The following DZIP3 variants were observed in gnomAD, a reference collection of about 807,000 sequenced individuals.
The protein encoded by DZIP3 is DAZ interacting zinc finger protein 3.
DZIP3 carries 118 observed loss-of-function variants against 162.0 expected under a neutral mutation model. The ratio of observed to expected loss-of-function variants is 0.73; its 90% CI spans 0.63 to 0.85. The LOEUF is 0.85. DZIP3 is among the 40% of genes least tolerant of loss of function. The pLI is 0.00. For missense variants in DZIP3, 1,331 were observed against 1,407.0 expected (o/e 0.95, Z 0.86); for synonymous variants, 438 against 458.6 (o/e 0.96, Z 0.57).
At chr3:108,606,367 A>C (rs1434238658) in intron 2 of DZIP3, among the ~76,000 whole-genome samples, 2 of 152,188 alleles carry the variant, frequency 1.3e-5, no homozygotes, top group Non-Finnish European at 2.9e-5. Context: ...AGTGTGACTT[A>C]TTAATTTATT....
chr3:108,688,927 A>C lies in DZIP3; in HGVS notation c.3516+3A>C. 1 of 1,613,740 alleles carries C rather than the reference A, an allele frequency of 6.2e-7. No homozygotes were observed. Among genetic ancestry groups the C allele is most frequent in the Non-Finnish European group, 8.5e-7 (1 of 1,179,704 alleles). On this transcript the variant is annotated splice_donor_region_variant and intron_variant, in intron 31 of 32. Transcript: ENST00000361582. ...GCGCTCACAAATTCCATGCTCAGGT[A>C]ACACTTTAAATTTTCCCATTAATCA...
intron 2 of DZIP3, among the ~76,000 whole-genome samples, chr3:108,607,167 G>T (rs1343102958): frequency 6.6e-6 from 1 of 152,136 alleles, no homozygotes; most frequent in Non-Finnish European, 1.5e-5. Context: ...ATTGTGAAAT[G>T]TTGGCATGTG....
At chr3:108,631,055 A>ACACATACACACTCTCTCTCTCTCTCTCT in intron 8 of DZIP3, among the ~76,000 whole-genome samples, 2 of 18,008 alleles carry the variant, frequency 1.1e-4, no homozygotes, top group African/African-American at 5.6e-4. Flanking sequence ...ACACACACAC[A>ACACATACACACTCTCTCTCTCTCTCTCT]CTCTCTCTCT....
intron 31 of DZIP3, 150 bp from the exon 32 acceptor site, chr3:108,690,637 A>G (rs1172518116): frequency 4.1e-5 from 25 of 615,004 alleles, no homozygotes; most frequent in Non-Finnish European, 5.3e-5. Flanking sequence ...GGAAGGTGCC[A>G]TGGTTGCAGC....
chr3:108,604,636 C>T (rs1308860322), intron 1 of DZIP3, among the ~76,000 whole-genome samples: 3 of 152,142 alleles, frequency 2.0e-5, no homozygotes, highest in Non-Finnish European at 2.9e-5. Context: ...ACAGATTGTG[C>T]AAGTGTTCTT....
chr3:108,612,544 G>A (rs1940768413), intron 4 of DZIP3, among the ~76,000 whole-genome samples: 1 of 152,214 alleles, frequency 6.6e-6, no homozygotes, highest in Admixed American at 6.5e-5. Flanking sequence ...TCATCTTTTG[G>A]TATCTGTGGG....
At chr3:108,631,346 GTATAC>G (rs1285417384) in intron 8 of DZIP3, among the ~76,000 whole-genome samples, 1 of 151,496 alleles carries the variant, frequency 6.6e-6, no homozygotes, top group Non-Finnish European at 1.5e-5. Context: ...TTTATCCTTT[GTATAC>G]TCTGTTCATA....
chr3:108,605,771 G>T (rs1220810626), intron 2 of DZIP3, among the ~76,000 whole-genome samples: 1 of 152,160 alleles, frequency 6.6e-6, no homozygotes, highest in Non-Finnish European at 1.5e-5. Flanking sequence ...GTGGCCTGGG[G>T]GCTGGGGACC....
rs1559745312 is a variant in DZIP3, at chr3:108,634,976, T to G, written c.918+4T>G. ...GTATCCAGGTGAAAATGATCAGGTA[T>G]TATATTCGTTCTTAAAACTACAACA... On this transcript the variant is annotated splice_donor_region_variant and intron_variant, in intron 10 of 32. Coordinates refer to ENST00000361582, the MANE Select transcript of DZIP3 (RefSeq NM_014648.4). 9.1e-6 allele frequency: 14 copies of G among 1,533,428 alleles called. No individual in the cohort carries two copies. The highest frequency in any genetic ancestry group is 1.2e-5 in the Non-Finnish European group (14 of 1,120,070). 95.0% of individuals were successfully genotyped at this position (1,533,428 alleles called of 1,614,324 possible).
chr3:108,618,327 T>C (rs763040880), intron 5 of DZIP3, among the ~76,000 whole-genome samples: 2 of 152,384 alleles, frequency 1.3e-5, no homozygotes, highest in East Asian at 1.9e-4. Flanking sequence ...GTCTCTGTTA[T>C]GTTATTCATG....
intron 18 of DZIP3, among the ~76,000 whole-genome samples, chr3:108,653,503 GTGTGTATATATATATATATATA>G (rs963600857): frequency 5.0e-5 from 1 of 20,032 alleles, no homozygotes; most frequent in African/African-American, 9.6e-5. Context: ...CATTGTGTGT[GTGTGTATATATATATATATATA>G]TATATATATA....
At chr3:108,667,065 G>A (rs909398162) in intron 21 of DZIP3, among the ~76,000 whole-genome samples, 1 of 151,892 alleles carries the variant, frequency 6.6e-6, no homozygotes, top group Non-Finnish European at 1.5e-5. Context: ...CACACCTGTA[G>A]TCCCAGCTAC....
At chr3:108,614,716 A>G (rs1029180100) in intron 4 of DZIP3, among the ~76,000 whole-genome samples, 1 of 152,090 alleles carries the variant, frequency 6.6e-6, no homozygotes, top group Non-Finnish European at 1.5e-5. Context: ...GAAAGCACTC[A>G]ATCAGTAGGT....
In DZIP3 at chr3:108,662,153, A is replaced by G. The variant is rs1395081318; in HGVS notation, c.2319A>G (p.Thr773=). ...AGGATTTCAAAAGACAGTTGAGAAC[A>G]GTGACTTTTCGGTGGCAAGAAAACC... ...QCEDFKRQLR[T]VTFRWQENQM... is the part of the protein sequence containing the mutation. Residue 773 remains threonine, a synonymous_variant, in exon 21 of 33, where the codon ACA becomes ACG. Transcript: ENST00000361582. 1 of 1,606,812 alleles carries G rather than the reference A, an allele frequency of 6.2e-7. No individual in the cohort carries two copies. Among genetic ancestry groups the G allele is most frequent in the African/African-American group, 1.3e-5 (1 of 74,372 alleles).
At chr3:108,663,692 C>T (rs1226791471) in intron 21 of DZIP3, among the ~76,000 whole-genome samples, 1 of 152,146 alleles carries the variant, frequency 6.6e-6, no homozygotes, top group Non-Finnish European at 1.5e-5. Context: ...GATGAGCTAC[C>T]TCTCTTCCAT....
chr3:108,623,096 A>T (rs1326184083), intron 5 of DZIP3, among the ~76,000 whole-genome samples: 1 of 151,716 alleles, frequency 6.6e-6, no homozygotes, highest in Non-Finnish European at 1.5e-5. Context: ...GGGCGAGTGC[A>T]GAAGTGCCAG....
intron 31 of DZIP3, among the ~76,000 whole-genome samples, chr3:108,690,045 T>C (rs1397909374): frequency 6.6e-6 from 1 of 152,206 alleles, no homozygotes; most frequent in East Asian, 1.9e-4. Context: ...GCCATTGACT[T>C]TCCCCTTTGA....
intron 5 of DZIP3, among the ~76,000 whole-genome samples, chr3:108,622,032 TA>T (rs34750239): frequency 1.8e-3 from 251 of 138,386 alleles, no homozygotes; most frequent in Middle Eastern, 3.7e-3. Flanking sequence ...ACCCCATCTC[TA>T]AAAAAAAAAA....
At chr3:108,667,926 A>C (rs867247231) in intron 21 of DZIP3, among the ~76,000 whole-genome samples, 8 of 152,220 alleles carry the variant, frequency 5.3e-5, no homozygotes, top group South Asian at 2.1e-4. Flanking sequence ...GCATCAAGGC[A>C]GAATGGACAT....
Sources: gnomAD v4.1 joint callset for allele counts (sites outside exome capture counted in the v4.1 genomes callset) on GRCh38, gnomAD v4.1.1 for gene constraint, MANE v1.5 for transcripts, NCBI Gene and HGNC (gene_info 2026-07-23, HGNC 2026-07-21) for gene names.